RADIL: variants seen among roughly 807,000 people sequenced by gnomAD.
The protein encoded by RADIL is Rap associating with DIL domain.
A neutral mutation model predicts 97.6 loss-of-function variants in RADIL; 99 were observed. That is an observed-to-expected ratio of 1.01 (90% confidence interval 0.86 to 1.20). RADIL has a LOEUF of 1.20. Ranked by LOEUF, RADIL falls within the 50% of genes most tolerant of loss-of-function variation. The probability of loss-of-function intolerance (pLI) is 0.00; values close to 1 mark genes in which losing one functional copy is unlikely to be tolerated. For synonymous variants in RADIL, 803 were observed against 691.8 expected, an observed-to-expected ratio of 1.16 and a Z score of -2.52; for missense variants, 1,765 against 1,498.9, an observed-to-expected ratio of 1.18 and a Z score of -2.93.
intron 2 of RADIL, among the ~76,000 whole-genome samples, chr7:4,851,680 G>A (rs896196513): frequency 4.6e-5 from 7 of 151,858 alleles, no homozygotes; most frequent in Admixed American, 2.6e-4. Context: ...GAGTGTAGAA[G>A]GTGCTGCCTG....
Position 4,813,322 on chromosome 7 carries a change from G to A in RADIL, c.2139+1956C>T, listed in dbSNP as rs918320509. Among the ~76,000 whole-genome samples the A allele has an allele frequency of 3.3e-5, 5 of 152,136 alleles. No homozygotes were observed. Among genetic ancestry groups the A allele is most frequent in the Admixed American group, 2.0e-4 (3 of 15,266 alleles). ...TGGGGGCCTGGTGTTTACTTCCCAA[G>A]GGGTCCTGGACTCGTCATCTCTGTC... On this transcript the variant is annotated intron_variant, in intron 9 of 14. Coordinates refer to ENST00000399583, the MANE Select transcript of RADIL (RefSeq NM_018059.5). This position sits in a 1 kb window ranked among gnomAD's most constrained non-coding sequence, Gnocchi z 5.0.
At position 4,815,159 on chromosome 7, in the gene RADIL, T is replaced by C. The variant is rs886351573; in HGVS notation, c.2139+119A>G. On this transcript the variant is annotated intron_variant, in intron 9 of 14. Transcript: ENST00000399583. This position sits in a 1 kb window ranked among gnomAD's most constrained non-coding sequence, Gnocchi z 8.0. ...AACTTTTCTGATTACCTACGGTAGC[T>C]TTGAGGTTTCCAGCCAAGAAGCCCC... 4.3e-5 allele frequency: 54 copies of C among 1,260,542 alleles called. No individual in the cohort carries two copies. Among genetic ancestry groups the C allele is most frequent in the African/African-American group, 1.1e-4 (7 of 65,834 alleles). The allele number at this position is 1,260,542 out of a possible 1,614,324, so 78.1% of individuals were successfully genotyped here.
intron 10 of RADIL, 165 bp downstream of exon 10, chr7:4,805,401 G>T: frequency 1.3e-6 from 1 of 767,482 alleles, no homozygotes; most frequent in Non-Finnish European, 1.8e-6. Flanking sequence ...GTTGGGGATG[G>T]GGCGGGGCGG....
rs1782914381 is a variant in RADIL, at chr7:4,824,284, G to T, written c.1455-1730C>A. On this transcript the variant is annotated intron_variant, in intron 5 of 14. Transcript: ENST00000399583. This position sits in a 1 kb window ranked among gnomAD's most constrained non-coding sequence, Gnocchi z 6.7. ...GGTGCCAGCCCAGTGCCTGACCCCA[G>T]TCCCGGGGCAGAGCCAGGCTCAAGG... 6.6e-6 allele frequency among the ~76,000 whole-genome samples: 1 copy of T among 152,214 alleles called. No homozygotes were observed. The highest frequency in any genetic ancestry group is 1.5e-5 in the Non-Finnish European group (1 of 68,024).
rs372569432 is a variant in RADIL, at chr7:4,877,652, G to A, written c.488C>T (p.Ser163Leu). ...LSRRFELRKR[S>L]DVEELAAKEV... ...CTTGGCTGCCAGCTCCTCCACGTCC[G>A]ACCTCTTCCTCAGCTCAAACCTCCG... The change falls in exon 2 of 15, where the codon TCG becomes TTG. Residue 163 changes from serine to leucine, a missense_variant. Ser to Leu is a moderately radical substitution (Grantham distance 145). Transcript: ENST00000399583. The A allele has an allele frequency of 9.0e-5, 145 of 1,612,800 alleles. No homozygotes were observed. The highest frequency in any genetic ancestry group is 7.5e-5 in the Non-Finnish European group (88 of 1,179,462).
chr7:4,857,902 T>C (rs35559543), intron 2 of RADIL: 40,120 of 152,388 alleles, frequency 0.26, 5,473 homozygotes, highest in South Asian at 0.37. Flanking sequence ...TAATAAAAAT[T>C]AGAAATAAAA....
At chr7:4,833,758 G>A (rs1783213109) in intron 4 of RADIL, among the ~76,000 whole-genome samples, 1 of 151,706 alleles carries the variant, frequency 6.6e-6, no homozygotes, top group Non-Finnish European at 1.5e-5. Flanking sequence ...GTTGTCCTTC[G>A]GGTCCCTGGG....
rs965824333 is a variant in RADIL at position 4,819,424 on chromosome 7, C to G, written c.1616-2073G>C. On this transcript the variant is annotated intron_variant, in intron 6 of 14. Transcript: ENST00000399583. The surrounding 1 kb of genome is among the most constrained non-coding windows in gnomAD (Gnocchi z 5.8). ...TCCCTGTGGTACCAGGGCTGGTGGGCATTTCTGAGGATTTCCGACGCCCAC... is the reference window on the plus strand; with the variant it reads ...TCCCTGTGGTACCAGGGCTGGTGGGGATTTCTGAGGATTTCCGACGCCCAC... Among the ~76,000 whole-genome samples, 1 of 152,008 alleles carries G rather than the reference C, an allele frequency of 6.6e-6. No individual in the cohort carries two copies. The highest frequency in any genetic ancestry group is 1.5e-5 in the Non-Finnish European group (1 of 67,998).
At chr7:4,830,270 G>A (rs538629730) in intron 5 of RADIL, among the ~76,000 whole-genome samples, 5 of 152,292 alleles carry the variant, frequency 3.3e-5, no homozygotes, top group South Asian at 4.2e-4. Flanking sequence ...GACATGTGGC[G>A]GCTTCAGCTC....
At chr7:4,803,508 T>G (rs1782187734) in intron 11 of RADIL, 38 bp downstream of exon 11, 29 of 1,477,132 alleles carry the variant, frequency 2.0e-5, no homozygotes, top group Non-Finnish European at 2.6e-5. Flanking sequence ...CCCGGGCACC[T>G]CGGGGCACGC....
intron 4 of RADIL, among the ~76,000 whole-genome samples, chr7:4,832,741 CAAAAAA>C (rs71032992): frequency 3.0e-5 from 2 of 66,522 alleles, no homozygotes; most frequent in Non-Finnish European, 2.8e-5. Context: ...TCCGTCTCAG[CAAAAAA>C]AAAAAAAAAA....
In RADIL at chr7:4,837,650, T is replaced by TAC. The variant is rs891368076; in HGVS notation, c.536-1047_536-1046dup. On this transcript the variant is annotated intron_variant, in intron 2 of 14. Coordinates refer to ENST00000399583, the MANE Select transcript of RADIL (RefSeq NM_018059.5). This position sits in a 1 kb window ranked among gnomAD's most constrained non-coding sequence, Gnocchi z 5.6. ...ACCCAAAAACACACATGCACACACA[T>TAC]ACACACACGCCAACACACATGCACC... 2.6e-5 allele frequency among the ~76,000 whole-genome samples: 4 copies of TAC among 150,968 alleles called. No individual in the cohort carries two copies. Among genetic ancestry groups the TAC allele is most frequent in the Non-Finnish European group, 4.4e-5 (3 of 67,694 alleles).
chr7:4,860,108 G>A (rs1783942759), intron 2 of RADIL: 1 of 1,613,996 alleles, frequency 6.2e-7, no homozygotes, highest in African/African-American at 1.3e-5. Context: ...CTGTATGTTA[G>A]CCACAGATGC....
chr7:4,801,973 T>C lies in RADIL; in HGVS notation c.2522A>G (p.Asp841Gly). ...CPEGMHHVVL[D>G]GHLEAPSCPL... Reference sequence around the variant, plus strand: ...GCAGCTCGGGGCCTCCAGGTGCCCGTCAAGGACCACGTGGTGCATACCCTA... The same window carrying C: ...GCAGCTCGGGGCCTCCAGGTGCCCGCCAAGGACCACGTGGTGCATACCCTA... The change falls in exon 12 of 15, where the codon GAC becomes GGC. Residue 841 changes from aspartate to glycine, a missense_variant. By Grantham distance (94) the Asp-to-Gly change is moderately conservative. Transcript: ENST00000399583. The C allele has an allele frequency of 1.2e-5, 19 of 1,546,056 alleles. No homozygotes were observed. Among genetic ancestry groups the C allele is most frequent in the Non-Finnish European group, 1.7e-5 (19 of 1,150,992 alleles).
chr7:4,805,419 C>G (rs1782274217), intron 10 of RADIL, 147 bp downstream of exon 10: 3 of 1,026,136 alleles, frequency 2.9e-6, no homozygotes, highest in East Asian at 5.4e-5. Context: ...CGGGGGGGTC[C>G]TCTGGGTGGA....
chr7:4,873,496 C>T lies in RADIL; in HGVS notation c.535+4109G>A, dbSNP rs562056192. 1.3e-5 allele frequency among the ~76,000 whole-genome samples: 2 copies of T among 152,332 alleles called. No individual in the cohort carries two copies. Among genetic ancestry groups the T allele is most frequent in the South Asian group, 4.1e-4 (2 of 4,828 alleles). On this transcript the variant is annotated intron_variant, in intron 2 of 14. Transcript: ENST00000399583. This position sits in a 1 kb window ranked among gnomAD's most constrained non-coding sequence, Gnocchi z 4.3. Reference sequence around the variant, plus strand: ...TCACCAGGGATCAGGGACAGCCCCACGCTGGGTCCTCTTGGGAGAGAATGC... The same window carrying T: ...TCACCAGGGATCAGGGACAGCCCCATGCTGGGTCCTCTTGGGAGAGAATGC...
At chr7:4,858,816 GT>G (rs1461844366) in intron 2 of RADIL, 1 of 152,214 alleles carries the variant, frequency 6.6e-6, no homozygotes, top group Admixed American at 6.5e-5. Context: ...TCACATCATG[GT>G]TTAGAGAATA....
At position 4,803,655 on chromosome 7, in the gene RADIL, T is replaced by C; in HGVS notation, c.2390A>G (p.Tyr797Cys). The part of the protein sequence containing the change: ...LEANCLDDSI[Y>C]QHLLYVRHFL... Reference sequence around the variant, plus strand: ...GTGGCGGACGTAGAGCAGGTGCTGGTAGATGCTGTCGTCCAGGCAGTTGGC... The same window carrying C: ...GTGGCGGACGTAGAGCAGGTGCTGGCAGATGCTGTCGTCCAGGCAGTTGGC... The change falls in exon 11 of 15, where the codon TAC becomes TGC. Residue 797 changes from tyrosine (Y) to cysteine (C), a missense_variant. By Grantham distance (194) the Tyr-to-Cys change is radical. Transcript: ENST00000399583. The C allele has an allele frequency of 6.4e-7, 1 of 1,550,756 alleles. No individual in the cohort carries two copies. The highest frequency in any genetic ancestry group is 8.7e-7 in the Non-Finnish European group (1 of 1,147,478).
At chr7:4,836,050 C>T (rs542158704) in intron 3 of RADIL, among the ~76,000 whole-genome samples, 75 of 152,340 alleles carry the variant, frequency 4.9e-4, no homozygotes, top group African/African-American at 1.7e-3. Context: ...CAGAGCCAGG[C>T]GGGAGACCAA....
Sources: allele counts gnomAD v4.1 joint callset (sites outside exome capture counted in the v4.1 genomes callset), GRCh38; gene constraint gnomAD v4.1.1; non-coding constraint Gnocchi (gnomAD v3.1); transcripts MANE v1.5; gene names NCBI Gene and HGNC (gene_info 2026-07-23, HGNC 2026-07-21).